Variants in DHRS4 observed in about 807,000 individuals in gnomAD.
DHRS4 encodes dehydrogenase/reductase 4.
Under a neutral mutation model 28.4 loss-of-function variants are expected in DHRS4, and 20 were observed. The observed-to-expected ratio is 0.71, with a 90% confidence interval of 0.50 to 1.02. The LOEUF (loss-of-function observed/expected upper bound fraction) is 1.02, where lower values mean the gene tolerates loss of function less well. DHRS4 is among the 50% of genes least tolerant of loss of function. DHRS4 has a pLI of 0.00. For missense variants in DHRS4, 378 were observed against 367.2 expected, an observed-to-expected ratio of 1.03 and a Z score of -0.24; for synonymous variants, 144 against 146.4, an observed-to-expected ratio of 0.98 and a Z score of 0.12.
Position 23,967,529 on chromosome 14 carries a change from G to C in DHRS4, c.722+263G>C, listed in dbSNP as rs1335984864. Reference sequence around the variant, plus strand: ...GCCCTGAGTCCTCTCTCCACCTGGGGGATTGCCTCCACCTCTGAGCATCCA... The same window carrying C: ...GCCCTGAGTCCTCTCTCCACCTGGGCGATTGCCTCCACCTCTGAGCATCCA... On this transcript the variant is annotated intron_variant, in intron 7 of 7. Transcript: ENST00000313250. 5.1e-5 allele frequency: 36 copies of C among 702,254 alleles called. No homozygotes were observed. In the African/African-American group the frequency reaches 6.4e-4, roughly 12 times the overall value. The allele number at this position is 702,254 out of a possible 1,614,324, so 43.5% of individuals were successfully genotyped here. A position where few individuals can be genotyped will look rare whatever the true frequency, so the allele number is the denominator to read the frequency against.
At chr14:23,959,814 T>G in intron 2 of DHRS4, 88 bp from the exon 3 acceptor site, 1 of 1,485,854 alleles carries the variant, frequency 6.7e-7, no homozygotes, top group Non-Finnish European at 9.3e-7. Context: ...CCACAGCTCC[T>G]TGCCCAGAAG....
At chr14:23,958,693 C>T (rs147640917) in intron 2 of DHRS4, among the ~76,000 whole-genome samples, 14 of 152,328 alleles carry the variant, frequency 9.2e-5, no homozygotes, top group East Asian at 5.8e-4. Context: ...TCTCCCATCA[C>T]GGCTCTCCTG....
intron 3 of DHRS4, among the ~76,000 whole-genome samples, chr14:23,963,668 T>A (rs556257050): frequency 6.8e-6 from 1 of 147,586 alleles, no homozygotes; most frequent in South Asian, 2.2e-4. Flanking sequence ...TGCTTTCTTA[T>A]CATTTATATG....
At chr14:23,966,032 C>T (rs1225032694) in intron 5 of DHRS4, 49 bp downstream of exon 5, 1 of 1,608,006 alleles carries the variant, frequency 6.2e-7, no homozygotes, top group East Asian at 2.2e-5. Context: ...CACTCCACAT[C>T]TTTCCACCCC....
At chr14:23,959,428 C>T (rs557596669) in intron 2 of DHRS4, among the ~76,000 whole-genome samples, 13 of 152,160 alleles carry the variant, frequency 8.5e-5, no homozygotes, top group South Asian at 4.2e-4. Flanking sequence ...TGTGGTGGCA[C>T]GCACTTGTAG....
At position 23,953,840 on chromosome 14, in the gene DHRS4, C is replaced by A; in HGVS notation, c.52C>A (p.Arg18=). The stretch of plus-strand genomic sequence containing the variant: ...CTGTGCCCGGGCTTGGAATTCGGTG[C>A]GGATGGCCAGCTCCGGGATGACCCG... ...GLCARAWNSV[R]MASSGMTRRD... The change falls in exon 1 of 8, where the codon CGG becomes AGG. Residue 18 remains arginine (R), a synonymous_variant. Coordinates refer to ENST00000313250, the MANE Select transcript of DHRS4 (RefSeq NM_021004.4). 2.5e-6 allele frequency: 4 copies of A among 1,613,958 alleles called. No homozygotes were observed. The South Asian group carries it at 3.3e-5, about 13-fold the overall frequency.
chr14:23,954,955 C>T, intron 1 of DHRS4, 80 bp from the exon 2 acceptor site: 1 of 1,580,350 alleles, frequency 6.3e-7, no homozygotes, highest in Non-Finnish European at 8.6e-7. Context: ...CAAACCCGGG[C>T]AGTCTTAACT....
At chr14:23,956,341 G>A (rs1471997061) in intron 2 of DHRS4, among the ~76,000 whole-genome samples, 1 of 152,184 alleles carries the variant, frequency 6.6e-6, no homozygotes, top group East Asian at 1.9e-4. Flanking sequence ...ACATCCTGTG[G>A]CCCCCACCAG....
At chr14:23,954,974 C>T in intron 1 of DHRS4, 61 bp from the exon 2 acceptor site, 1 of 1,604,850 alleles carries the variant, frequency 6.2e-7, no homozygotes, top group Non-Finnish European at 8.5e-7. Context: ...CTTCAGAGCT[C>T]ATACTGTCGA....
chr14:23,958,291 C>T (rs897377984), intron 2 of DHRS4, among the ~76,000 whole-genome samples: 8 of 152,172 alleles, frequency 5.3e-5, no homozygotes, highest in South Asian at 2.1e-4. Context: ...TTAGTTAAAA[C>T]GGGAAGCTAG....
Position 23,966,064 on chromosome 14 carries a change from G to T in DHRS4, c.531+81G>T. ...CCCCTCCTATTACCCAAGGAAGTTT[G>T]TGTCCCCTTGTAGAATCACACCACC... On this transcript the variant is annotated intron_variant, in intron 5 of 7. Coordinates refer to ENST00000313250, the MANE Select transcript of DHRS4 (RefSeq NM_021004.4). The T allele has an allele frequency of 2.5e-6, 4 of 1,606,496 alleles. No individual in the cohort carries two copies. In the South Asian group the frequency reaches 4.4e-5, roughly 18 times the overall value.
chr14:23,961,703 C>A (rs143205358), intron 3 of DHRS4, among the ~76,000 whole-genome samples: 1 of 67,388 alleles, frequency 1.5e-5, no homozygotes, highest in Non-Finnish European at 2.5e-5. Flanking sequence ...TATTGAGATG[C>A]GGTTTCACTG....
chr14:23,966,883 G>C (rs571209669), intron 6 of DHRS4, among the ~76,000 whole-genome samples: 6 of 152,396 alleles, frequency 3.9e-5, no homozygotes, highest in African/African-American at 1.2e-4. Flanking sequence ...TTTCTGGGTG[G>C]GGTGGCTCAT....
intron 5 of DHRS4, 126 bp from the exon 6 acceptor site, chr14:23,966,157 G>A (rs1253738168): frequency 2.0e-5 from 31 of 1,579,550 alleles, no homozygotes; most frequent in Non-Finnish European, 2.5e-5. Flanking sequence ...TTAGCCACAA[G>A]ACAGTTCCCT....
In DHRS4 at chr14:23,956,793, A is replaced by G. The variant is rs912374208; in HGVS notation, c.306+1581A>G. On this transcript the variant is annotated intron_variant, in intron 2 of 7. Transcript: ENST00000313250. ...TAATTTTTGTATTTTTGGTAGAGAC[A>G]GGGTTTCACCATGTTGGCCAGGCTG... 5.9e-4 allele frequency among the ~76,000 whole-genome samples: 90 copies of G among 152,120 alleles called. 1 individual carries two copies. The highest frequency in any genetic ancestry group is 1.8e-3 in the African/African-American group (76 of 41,472).
chr14:23,958,137 A>T (rs1216392851), intron 2 of DHRS4, among the ~76,000 whole-genome samples: 2 of 151,998 alleles, frequency 1.3e-5, no homozygotes, highest in Admixed American at 1.3e-4. Flanking sequence ...CAGGATACCA[A>T]AATTTAAAGG....
chr14:23,954,911 C>T, intron 1 of DHRS4, 124 bp from the exon 2 acceptor site: 1 of 1,491,404 alleles, frequency 6.7e-7, no homozygotes, highest in Non-Finnish European at 9.0e-7. Context: ...ATAGTAGGCA[C>T]ACGTAGGGGT....
Position 23,964,246 on chromosome 14 carries a change from A to AC in DHRS4, c.409-1516_409-1515insC, listed in dbSNP as rs1371401279. On this transcript the variant is annotated intron_variant, in intron 3 of 7. Transcript: ENST00000313250. The stretch of plus-strand genomic sequence containing the variant: ...AAAAAAAAAAAAAAAAAAAAAAAAA[A>AC]AAAAAAAACACAATATCTGCAAAGC... 2.5e-3 allele frequency among the ~76,000 whole-genome samples: 357 copies of AC among 140,906 alleles called. 14 individuals are homozygous for AC. The highest frequency in any genetic ancestry group is 9.3e-3 in the African/African-American group (337 of 36,120). 92.4% of individuals were successfully genotyped at this position (140,906 alleles called of 152,430 possible).
Position 23,953,936 on chromosome 14 carries a change from T to A in DHRS4, c.128+20T>A, listed in dbSNP as rs114388879. 7.5e-4 allele frequency: 1,174 copies of A among 1,565,530 alleles called. 10 individuals carry two copies. In the African/African-American group the frequency reaches 0.014, roughly 19 times the overall value. On this transcript the variant is annotated intron_variant, in intron 1 of 7. Transcript: ENST00000313250. ...CGACGGGTGAGTGCTCCGGCCGGAG[T>A]TTCTGAGGCCCTGGCTGCCTGGAAA...
Sources: gnomAD v4.1 joint callset for allele counts (sites outside exome capture counted in the v4.1 genomes callset) on GRCh38, gnomAD v4.1.1 for gene constraint, MANE v1.5 for transcripts, NCBI Gene and HGNC (gene_info 2026-07-23, HGNC 2026-07-21) for gene names.